The following GRIA1 variants were observed in gnomAD, a reference collection of about 807,000 sequenced individuals.
GRIA1 encodes glutamate ionotropic receptor AMPA type subunit 1.
A neutral mutation model predicts 99.2 loss-of-function variants in GRIA1; 31 were observed. The ratio of observed to expected loss-of-function variants is 0.31; its 90% CI spans 0.23 to 0.42. The LOEUF (loss-of-function observed/expected upper bound fraction) is 0.42. GRIA1 is among the 10% of genes least tolerant of loss of function. The pLI is 1.00. For synonymous variants in GRIA1, 438 were observed against 432.4 expected, an observed-to-expected ratio of 1.01 and a Z score of -0.16; for missense variants, 782 against 1,157.5, an observed-to-expected ratio of 0.68 and a Z score of 4.71.
Position 153,698,055 on chromosome 5 carries a change from G to C in GRIA1, c.1146G>C (p.Trp382Cys), listed in dbSNP as rs1277300983. The C allele has an allele frequency of 6.3e-7, 1 of 1,596,122 alleles. No homozygotes were observed. Among genetic ancestry groups the C allele is most frequent in the Non-Finnish European group, 8.6e-7 (1 of 1,163,734 alleles). The part of the protein sequence containing the change: ...KHDGIRKIGY[W>C]NEDDKFVPAA... ...CTTCTCATTAACAGATTGGTTACTG[G>C]AATGAAGATGATAAGTTTGTCCCTG... Residue 382 changes from tryptophan (W) to cysteine (C), a missense_variant, in exon 9 of 16, where the codon TGG (tryptophan) becomes TGC (cysteine). By Grantham distance (215) the Trp-to-Cys change is radical. Transcript: ENST00000285900.
chr5:153,716,997 T>C (rs925350566), intron 11 of GRIA1, among the ~76,000 whole-genome samples: 1 of 152,218 alleles, frequency 6.6e-6, no homozygotes, highest in Non-Finnish European at 1.5e-5. Context: ...CAGCCCATCA[T>C]GCCAAAGGAA....
chr5:153,724,881 CA>C (rs1760388440), intron 11 of GRIA1, among the ~76,000 whole-genome samples: 1 of 152,114 alleles, frequency 6.6e-6, no homozygotes, highest in African/African-American at 2.4e-5. Flanking sequence ...CATTCAGATT[CA>C]GGAAATACAG....
At chr5:153,807,697 C>T (rs530074423) in intron 15 of GRIA1, among the ~76,000 whole-genome samples, 1 of 152,298 alleles carries the variant, frequency 6.6e-6, no homozygotes, top group African/African-American at 2.4e-5. Context: ...AATTGTCATA[C>T]AACAGCAGAA....
At chr5:153,801,861 T>G (rs1307487242) in intron 14 of GRIA1, among the ~76,000 whole-genome samples, 2 of 149,466 alleles carry the variant, frequency 1.3e-5, no homozygotes, top group Non-Finnish European at 2.9e-5. Context: ...TAGGGGAAAG[T>G]TCATTGTAAG....
At chr5:153,535,753 A>G (rs1190364752) in intron 2 of GRIA1, among the ~76,000 whole-genome samples, 2 of 152,158 alleles carry the variant, frequency 1.3e-5, no homozygotes, top group African/African-American at 4.8e-5. Flanking sequence ...TACCTCTTGC[A>G]CTCCCTAACT....
chr5:153,740,374 A>T (rs941054527), intron 11 of GRIA1, among the ~76,000 whole-genome samples: 1 of 152,238 alleles, frequency 6.6e-6, no homozygotes, highest in Admixed American at 6.5e-5. Flanking sequence ...GACTGCATGC[A>T]TGAGGTCAGA....
intron 3 of GRIA1, among the ~76,000 whole-genome samples, chr5:153,649,172 C>A (rs755885519): frequency 6.6e-6 from 1 of 152,152 alleles, no homozygotes; most frequent in Non-Finnish European, 1.5e-5. Flanking sequence ...TCCCTAGAAC[C>A]TTTAGACACC....
chr5:153,671,209 A>C (rs1411755819), intron 5 of GRIA1, among the ~76,000 whole-genome samples: 2 of 152,216 alleles, frequency 1.3e-5, no homozygotes, highest in African/African-American at 4.8e-5. Flanking sequence ...TATGTTGAGC[A>C]GTTGAGGAAA....
At chr5:153,743,310 C>G (rs1761939124) in intron 11 of GRIA1, among the ~76,000 whole-genome samples, 1 of 152,130 alleles carries the variant, frequency 6.6e-6, no homozygotes, top group Non-Finnish European at 1.5e-5. Flanking sequence ...TTCGACAACA[C>G]CCATATATTA....
chr5:153,530,237 G>GTC (rs1757969441), intron 2 of GRIA1, among the ~76,000 whole-genome samples: 1 of 152,216 alleles, frequency 6.6e-6, no homozygotes, highest in Non-Finnish European at 1.5e-5. Flanking sequence ...GCTAATAGTG[G>GTC]TAGAGTCTGT....
intron 14 of GRIA1, among the ~76,000 whole-genome samples, chr5:153,801,768 G>T (rs944811056): frequency 6.6e-6 from 1 of 152,078 alleles, no homozygotes; most frequent in Non-Finnish European, 1.5e-5. Flanking sequence ...TTGGCACTCA[G>T]AGCAGTAAGT....
chr5:153,645,824 CCT>C (rs1754109742), intron 2 of GRIA1, among the ~76,000 whole-genome samples: 1 of 152,028 alleles, frequency 6.6e-6, no homozygotes, highest in Non-Finnish European at 1.5e-5. Context: ...AATAATAATA[CCT>C]AAGTCACAAG....
rs560663869 is a variant in GRIA1 at position 153,793,668 on chromosome 5, A to T, written c.2271-953A>T. Among the ~76,000 whole-genome samples, 4 of 152,298 alleles carry T rather than the reference A, an allele frequency of 2.6e-5. No homozygotes were observed. In the South Asian group the frequency reaches 8.3e-4, roughly 32 times the overall value. On this transcript the variant is annotated intron_variant, in intron 13 of 15. Coordinates refer to ENST00000285900, the MANE Select transcript of GRIA1 (RefSeq NM_000827.4). ...ACAGGGTCTCAGAGGGCAAGTGAGG[A>T]GTTGTCCATAGAGAAATTTAGATGG...
rs145380488 is a variant in GRIA1 at position 153,613,002 on chromosome 5, G to T, written c.221-33926G>T. On this transcript the variant is annotated intron_variant, in intron 2 of 15. Transcript: ENST00000285900. Reference sequence around the variant, plus strand: ...TGCCTTGTGTGCTTCTTTTGACTGCGCATCTGAATATCAAGGCAAGAAGTG... The same window carrying T: ...TGCCTTGTGTGCTTCTTTTGACTGCTCATCTGAATATCAAGGCAAGAAGTG... 3.9e-5 allele frequency among the ~76,000 whole-genome samples: 6 copies of T among 152,198 alleles called. No individual in the cohort carries two copies. The East Asian group carries it at 1.2e-3, about 29-fold the overall frequency.
chr5:153,701,490 T>C (rs1302994847), intron 10 of GRIA1, among the ~76,000 whole-genome samples: 1 of 151,398 alleles, frequency 6.6e-6, no homozygotes, highest in African/African-American at 2.4e-5. Context: ...AGTGGGCGCC[T>C]GTAGTCCTAG....
intron 2 of GRIA1, among the ~76,000 whole-genome samples, chr5:153,617,646 C>T (rs1766634379): frequency 6.6e-6 from 1 of 152,178 alleles, no homozygotes; most frequent in South Asian, 2.1e-4. Context: ...GATTTAGCCA[C>T]CTACTTTCAG....
intron 12 of GRIA1, among the ~76,000 whole-genome samples, chr5:153,765,294 C>A (rs922094668): frequency 6.6e-6 from 1 of 152,098 alleles, no homozygotes; most frequent in African/African-American, 2.4e-5. Flanking sequence ...CTCTGTGACA[C>A]CATTTCCATT....
At chr5:153,767,401 G>A (rs530430960) in intron 12 of GRIA1, among the ~76,000 whole-genome samples, 1 of 152,340 alleles carries the variant, frequency 6.6e-6, no homozygotes, top group African/African-American at 2.4e-5. Context: ...GGCACAATGT[G>A]TGCAATCAGG....
rs574651281 is a variant in GRIA1, at chr5:153,516,708, G to A, written c.220+22643G>A. On this transcript the variant is annotated intron_variant, in intron 2 of 15. Transcript: ENST00000285900. ...CTGCTGCGTCCAGATCTCCCTTCAC[G>A]AGGAAGAAATGTGTCTGCACTTTTC... Among the ~76,000 whole-genome samples the A allele has an allele frequency of 1.7e-4, 26 of 152,182 alleles. No homozygotes were observed. In the East Asian group the frequency reaches 4.3e-3, roughly 25 times the overall value.
Sources: gnomAD v4.1 joint callset for allele counts (sites outside exome capture counted in the v4.1 genomes callset) on GRCh38, gnomAD v4.1.1 for gene constraint, MANE v1.5 for transcripts, NCBI Gene and HGNC (gene_info 2026-07-23, HGNC 2026-07-21) for gene names.